Variants in LPP observed in about 807,000 individuals in gnomAD.
The protein encoded by LPP is LIM domain containing preferred translocation partner in lipoma.
Under a neutral mutation model 60.4 loss-of-function variants are expected in LPP, and 38 were observed. The observed-to-expected ratio is 0.63, with a 90% CI of 0.49 to 0.83. The LOEUF is 0.83. Among genes scored for constraint, LPP ranks in the 40% least tolerant of loss-of-function variants. LPP has a pLI of 0.00. For missense variants in LPP, 902 were observed against 783.6 expected, an observed-to-expected ratio of 1.15 and a Z score of -1.80; for synonymous variants, 328 against 290.8, an observed-to-expected ratio of 1.13 and a Z score of -1.30.
chr3:188,722,812 C>G (rs904107308), intron 8 of LPP, among the ~76,000 whole-genome samples: 1 of 152,078 alleles, frequency 6.6e-6, no homozygotes, highest in Admixed American at 6.5e-5. Flanking sequence ...TTTTCTAAAC[C>G]GTAGCAGAAG....
intron 3 of LPP, among the ~76,000 whole-genome samples, chr3:188,341,977 T>C (rs796941277): frequency 6.6e-6 from 1 of 152,300 alleles, no homozygotes; most frequent in South Asian, 2.1e-4. Flanking sequence ...CGATTCAGAT[T>C]TAATGTGTAT....
intron 4 of LPP, among the ~76,000 whole-genome samples, chr3:188,427,553 T>C (rs906484174): frequency 6.6e-6 from 1 of 152,178 alleles, no homozygotes; most frequent in South Asian, 2.1e-4. Context: ...TGAATTTGAA[T>C]GTTGGCCTGT....
chr3:188,524,108 G>A (rs1182715840), intron 5 of LPP, among the ~76,000 whole-genome samples: 4 of 152,080 alleles, frequency 2.6e-5, no homozygotes, highest in African/African-American at 9.7e-5. Context: ...AACCCTAAGA[G>A]GTCTCTTTCC....
chr3:188,859,480 A>G (rs1446790121), intron 9 of LPP, among the ~76,000 whole-genome samples: 1 of 152,140 alleles, frequency 6.6e-6, no homozygotes, highest in African/African-American at 2.4e-5. Flanking sequence ...GCCTCGAATC[A>G]GTTGTTAATA....
At chr3:188,343,601 A>G (rs1232139395) in intron 3 of LPP, among the ~76,000 whole-genome samples, 3 of 152,186 alleles carry the variant, frequency 2.0e-5, no homozygotes, top group African/African-American at 7.2e-5. Flanking sequence ...AATTAACTGT[A>G]TCCCCTGTCC....
At chr3:188,874,205 A>T (rs1434906926) in intron 11 of LPP, 146 bp from the exon 12 acceptor site, 1 of 604,638 alleles carries the variant, frequency 1.7e-6, no homozygotes, top group African/African-American at 1.8e-5. Flanking sequence ...GAGAAAGGAT[A>T]CAGGGGATTA....
chr3:188,163,290 A>T (rs1302867434), intron 1 of LPP, among the ~76,000 whole-genome samples: 2 of 152,158 alleles, frequency 1.3e-5, no homozygotes, highest in Non-Finnish European at 2.9e-5. Context: ...GGAACCTTTC[A>T]TGGGCTGGAT....
At chr3:188,794,324 G>A (rs536212399) in intron 9 of LPP, among the ~76,000 whole-genome samples, 13 of 152,294 alleles carry the variant, frequency 8.5e-5, no homozygotes, top group African/African-American at 1.7e-4. Context: ...TAAATATTAC[G>A]TAAAAGTCAG....
chr3:188,469,830 A>G (rs1243855134), intron 4 of LPP, among the ~76,000 whole-genome samples: 1 of 152,128 alleles, frequency 6.6e-6, no homozygotes, highest in Non-Finnish European at 1.5e-5. Flanking sequence ...TTTGTGAAGA[A>G]TGTGTTTCTG....
chr3:188,287,258 A>G (rs550431990), intron 2 of LPP, among the ~76,000 whole-genome samples: 30 of 152,338 alleles, frequency 2.0e-4, no homozygotes, highest in African/African-American at 7.2e-4. Flanking sequence ...CTTGGCTTAT[A>G]ATATTCAAGT....
At chr3:188,526,802 G>A (rs1407435117) in intron 6 of LPP, among the ~76,000 whole-genome samples, 3 of 152,104 alleles carry the variant, frequency 2.0e-5, no homozygotes, top group African/African-American at 7.2e-5. Flanking sequence ...TCTTTTGGGG[G>A]AACCGATGAG....
At chr3:188,250,784 T>TTCTTTCTTTCG (rs1553835749) in intron 2 of LPP, among the ~76,000 whole-genome samples, 1 of 116,850 alleles carries the variant, frequency 8.6e-6, no homozygotes, top group African/African-American at 3.7e-5. Flanking sequence ...CTTTCTTTCT[T>TTCTTTCTTTCG]TCTGTCTTTC....
intron 2 of LPP, among the ~76,000 whole-genome samples, chr3:188,258,480 G>T (rs944870400): frequency 6.6e-6 from 1 of 152,106 alleles, no homozygotes; most frequent in East Asian, 1.9e-4. Context: ...ACGCCACTAC[G>T]CCTGGCTAAT....
At chr3:188,752,846 A>G (rs17672313) in intron 8 of LPP, among the ~76,000 whole-genome samples, 8,142 of 152,250 alleles carry the variant, frequency 0.053, 239 homozygotes, top group Non-Finnish European at 0.07. Flanking sequence ...TTCCTGATGG[A>G]AAGCTAGAGT....
At chr3:188,448,204 G>A (rs113997577) in intron 4 of LPP, among the ~76,000 whole-genome samples, 2,439 of 152,198 alleles carry the variant, frequency 0.016, 12 homozygotes, top group Non-Finnish European at 0.025. Context: ...AGACGTCTTG[G>A]GTTCAAGTTA....
At chr3:188,465,993 A>T (rs927971725) in intron 4 of LPP, among the ~76,000 whole-genome samples, 1 of 152,156 alleles carries the variant, frequency 6.6e-6, no homozygotes, top group East Asian at 1.9e-4. Context: ...GGGATAGGCT[A>T]TTTCCATGAA....
chr3:188,169,068 AGAG>A (rs755367248), intron 1 of LPP, among the ~76,000 whole-genome samples: 1 of 152,250 alleles, frequency 6.6e-6, no homozygotes, highest in Non-Finnish European at 1.5e-5. Flanking sequence ...CTTGGGTGAA[AGAG>A]GAGAAGAGGC....
chr3:188,173,617 CAT>C (rs1722243962), intron 1 of LPP, among the ~76,000 whole-genome samples: 1 of 152,144 alleles, frequency 6.6e-6, no homozygotes, highest in African/African-American at 2.4e-5. Flanking sequence ...ATGTTGTAAT[CAT>C]GTAATCTGGA....
At chr3:188,634,257 G>C (rs1471665870) in intron 7 of LPP, among the ~76,000 whole-genome samples, 1 of 152,166 alleles carries the variant, frequency 6.6e-6, no homozygotes, top group Non-Finnish European at 1.5e-5. Context: ...CTGGCTTAAA[G>C]CTATTATTTT....
Sources: allele counts gnomAD v4.1 joint callset (sites outside exome capture counted in the v4.1 genomes callset), GRCh38; gene constraint gnomAD v4.1.1; transcripts MANE v1.5; gene names NCBI Gene and HGNC (gene_info 2026-07-23, HGNC 2026-07-21).